Variants in GAS7 observed in about 807,000 individuals in gnomAD.
GAS7 encodes growth arrest specific 7, also known as growth arrest-specific protein 7.
GAS7 carries 28 observed loss-of-function variants against 71.1 expected under a neutral mutation model. The ratio of observed to expected loss-of-function variants is 0.39; its 90% CI spans 0.29 to 0.54. The LOEUF (loss-of-function observed/expected upper bound fraction) is 0.54. Among genes scored for constraint, GAS7 ranks in the 20% least tolerant of loss-of-function variants. The pLI, the probability that GAS7 is intolerant of heterozygous loss-of-function variation, is 0.62. For synonymous variants in GAS7, 258 were observed against 245.8 expected (o/e 1.05, Z -0.46); for missense variants, 436 against 627.8 (o/e 0.69, Z 3.27).
intron 1 of GAS7, among the ~76,000 whole-genome samples, chr17:10,187,468 T>A (rs978152783): frequency 6.6e-6 from 1 of 152,348 alleles, no homozygotes. Flanking sequence ...GTAGGACCTC[T>A]TTTTTAGCCC....
intron 1 of GAS7, among the ~76,000 whole-genome samples, chr17:10,157,367 C>A (rs2074213410): frequency 6.6e-6 from 1 of 152,136 alleles, no homozygotes; most frequent in South Asian, 2.1e-4. Flanking sequence ...CCCTGCCTTT[C>A]AATATGAAGA....
intron 1 of GAS7, among the ~76,000 whole-genome samples, chr17:10,061,939 C>T (rs914340176): frequency 6.6e-6 from 1 of 152,114 alleles, no homozygotes; most frequent in South Asian, 2.1e-4. Flanking sequence ...CATTTACTGG[C>T]CAAGGACGCT....
At chr17:10,185,237 T>G (rs1010105404) in intron 1 of GAS7, among the ~76,000 whole-genome samples, 1 of 152,194 alleles carries the variant, frequency 6.6e-6, no homozygotes, top group African/African-American at 2.4e-5. Flanking sequence ...TAAAAACTCT[T>G]GAACAAGATT....
intron 1 of GAS7, among the ~76,000 whole-genome samples, chr17:10,051,422 A>G (rs2073060750): frequency 6.6e-6 from 1 of 152,220 alleles, no homozygotes; most frequent in Admixed American, 6.5e-5. Flanking sequence ...TCAAAGAAAC[A>G]TCAGAATAGG....
chr17:10,190,649 T>A (rs4368195), intron 1 of GAS7, among the ~76,000 whole-genome samples: 1 of 151,312 alleles, frequency 6.6e-6, no homozygotes, highest in East Asian at 1.9e-4. Context: ...GCTAGCCTAC[T>A]GAACAGGAGA....
chr17:10,005,082 C>CAT (rs1265884926), intron 2 of GAS7, among the ~76,000 whole-genome samples: 11 of 148,148 alleles, frequency 7.4e-5, no homozygotes, highest in East Asian at 2.3e-4. Context: ...CGCATACATG[C>CAT]GTGTGTGCAC....
intron 1 of GAS7, among the ~76,000 whole-genome samples, chr17:10,081,620 C>A (rs1047224983): frequency 2.0e-5 from 3 of 152,068 alleles, no homozygotes; most frequent in African/African-American, 7.2e-5. Flanking sequence ...GCAGAGAATG[C>A]ACAGGAAACC....
intron 1 of GAS7, among the ~76,000 whole-genome samples, chr17:10,086,499 T>C (rs1003879782): frequency 6.6e-6 from 1 of 152,204 alleles, no homozygotes; most frequent in Non-Finnish European, 1.5e-5. Context: ...CTGGGTTTGT[T>C]CTGGGCTTCC....
chr17:10,007,042 T>C (rs914096846), intron 2 of GAS7, among the ~76,000 whole-genome samples: 5 of 152,232 alleles, frequency 3.3e-5, no homozygotes, highest in African/African-American at 1.2e-4. Flanking sequence ...TAAATTTCTA[T>C]AAGAGGAAAT....
intron 1 of GAS7, among the ~76,000 whole-genome samples, chr17:10,150,652 G>A (rs955095406): frequency 2.9e-4 from 42 of 144,882 alleles, no homozygotes; most frequent in Non-Finnish European, 4.8e-4. Context: ...GCAGTGGCAC[G>A]ATCTCGGCTC....
At chr17:10,180,423 T>A (rs1489142904) in intron 1 of GAS7, among the ~76,000 whole-genome samples, 2 of 151,230 alleles carry the variant, frequency 1.3e-5, no homozygotes, top group Admixed American at 6.6e-5. Context: ...CAAACCCAGG[T>A]CTGATCAGCT....
intron 1 of GAS7, among the ~76,000 whole-genome samples, chr17:10,085,773 C>T (rs1350816276): frequency 6.6e-6 from 1 of 151,242 alleles, no homozygotes; most frequent in Non-Finnish European, 1.5e-5. Context: ...CACTTTGACA[C>T]ATTTTAATTT....
Position 9,929,342 on chromosome 17 carries a change from A to G in GAS7, c.886-2573T>C, listed in dbSNP as rs117415024. Among the ~76,000 whole-genome samples, 53 of 152,332 alleles carry G rather than the reference A, an allele frequency of 3.5e-4. No homozygotes were observed. In the East Asian group the frequency reaches 5.8e-3, roughly 17 times the overall value. The stretch of plus-strand genomic sequence containing the variant: ...TGGGGAAAAGCCCATGAACCTGCCA[A>G]TATGCCAGGAAGCTTTCCCCAAATT... On this transcript the variant is annotated intron_variant, in intron 9 of 13. Transcript: ENST00000432992.
At chr17:9,947,612 C>CCA (rs1372888778) in intron 5 of GAS7, among the ~76,000 whole-genome samples, 1 of 151,884 alleles carries the variant, frequency 6.6e-6, no homozygotes, top group African/African-American at 2.4e-5. Context: ...GGCGTAGTGG[C>CCA]GCATGCGTGT....
intron 2 of GAS7, among the ~76,000 whole-genome samples, chr17:9,987,636 A>G (rs1389859500): frequency 1.3e-5 from 2 of 152,274 alleles, no homozygotes; most frequent in Non-Finnish European, 2.9e-5. Flanking sequence ...TGAATGGATG[A>G]GTGAGTGAAT....
intron 1 of GAS7, among the ~76,000 whole-genome samples, chr17:10,190,932 T>C (rs569265797): frequency 1.3e-5 from 2 of 151,670 alleles, no homozygotes; most frequent in Non-Finnish European, 2.9e-5. Context: ...TCCCAGCACT[T>C]TGGGAGGCCA....
intron 1 of GAS7, among the ~76,000 whole-genome samples, chr17:10,129,728 A>G (rs2073981322): frequency 6.6e-6 from 1 of 152,248 alleles, no homozygotes; most frequent in Non-Finnish European, 1.5e-5. Context: ...GACAAACCAC[A>G]GAATGGGAGA....
At chr17:10,118,700 T>C (rs1360810547) in intron 1 of GAS7, among the ~76,000 whole-genome samples, 1 of 71,470 alleles carries the variant, frequency 1.4e-5, no homozygotes, top group African/African-American at 5.9e-5. Context: ...TGAGACTCTG[T>C]CTCCAAAAAA....
chr17:10,153,462 G>C (rs770977005), intron 1 of GAS7, among the ~76,000 whole-genome samples: 1 of 148,854 alleles, frequency 6.7e-6, no homozygotes, highest in Non-Finnish European at 1.5e-5. Context: ...GTTGCAGTGA[G>C]CTGAGATCAT....
Sources: gnomAD v4.1 joint callset for allele counts (sites outside exome capture counted in the v4.1 genomes callset) on GRCh38, gnomAD v4.1.1 for gene constraint, MANE v1.5 for transcripts, NCBI Gene and HGNC (gene_info 2026-07-23, HGNC 2026-07-21) for gene names.